The following XKR4 variants were observed in gnomAD, a reference collection of about 807,000 sequenced individuals.
XKR4 encodes the protein XK related 4.
Under a neutral mutation model 53.9 loss-of-function variants are expected in XKR4, and 12 were observed. The observed-to-expected ratio is 0.22, with a 90% CI of 0.14 to 0.36. The LOEUF is 0.36. Among genes scored for constraint, XKR4 ranks in the 10% least tolerant of loss-of-function variants. The probability of loss-of-function intolerance (pLI) is 1.00; values close to 1 mark genes in which losing one functional copy is unlikely to be tolerated. For missense variants in XKR4, 799 were observed against 859.5 expected, an observed-to-expected ratio of 0.93 and a Z score of 0.88; for synonymous variants, 354 against 362.4, an observed-to-expected ratio of 0.98 and a Z score of 0.26.
intron 1 of XKR4, among the ~76,000 whole-genome samples, chr8:55,302,986 A>G (rs1385127284): frequency 6.6e-6 from 1 of 152,248 alleles, no homozygotes; most frequent in African/African-American, 2.4e-5. Flanking sequence ...AATACCCTTT[A>G]TTTCCTTCTC....
At chr8:55,498,595 A>G (rs1466819242) in intron 2 of XKR4, among the ~76,000 whole-genome samples, 1 of 152,092 alleles carries the variant, frequency 6.6e-6, no homozygotes, top group Non-Finnish European at 1.5e-5. Context: ...CCTGGATAAC[A>G]TGGCCATCTC....
intron 2 of XKR4, among the ~76,000 whole-genome samples, chr8:55,371,265 A>G (rs560244003): frequency 6.6e-6 from 1 of 152,058 alleles, no homozygotes; most frequent in East Asian, 1.9e-4. Flanking sequence ...AATGTGAACA[A>G]AACCAGACTG....
intron 2 of XKR4, among the ~76,000 whole-genome samples, chr8:55,513,490 C>A (rs1161576959): frequency 6.6e-6 from 1 of 152,208 alleles, no homozygotes; most frequent in Admixed American, 6.5e-5. Flanking sequence ...AGAGGACCAG[C>A]CTGAACCTAT....
rs116128491 is a variant in XKR4, at chr8:55,322,032, A to G, written c.807-35646A>G. On this transcript the variant is annotated intron_variant, in intron 1 of 2. Coordinates refer to ENST00000327381, the MANE Select transcript of XKR4 (RefSeq NM_052898.2). The stretch of plus-strand genomic sequence containing the variant: ...AAACAAAAAATAACTTATCTTTACA[A>G]TCTTTGACATCCTTCCTGACTTTCC... Among the ~76,000 whole-genome samples the G allele has an allele frequency of 6.8e-3, 1,031 of 152,058 alleles. 15 individuals are homozygous for G. Among genetic ancestry groups the G allele is most frequent in the African/African-American group, 0.024 (986 of 41,460 alleles).
intron 1 of XKR4, among the ~76,000 whole-genome samples, chr8:55,116,961 A>G (rs918755539): frequency 4.6e-5 from 7 of 152,214 alleles, no homozygotes; most frequent in Admixed American, 1.3e-4. Context: ...CTAAGTGTCA[A>G]ATACCCAAGG....
intron 1 of XKR4, among the ~76,000 whole-genome samples, chr8:55,232,461 A>G (rs1280019919): frequency 1.3e-5 from 2 of 152,226 alleles, no homozygotes; most frequent in Non-Finnish European, 2.9e-5. Flanking sequence ...TCATTTTGAA[A>G]CTTTTTCCCC....
In XKR4 at chr8:55,454,674, T is replaced by C. The variant is rs1232644125; in HGVS notation, c.1007-68607T>C. On this transcript the variant is annotated intron_variant, in intron 2 of 2. Coordinates refer to ENST00000327381, the MANE Select transcript of XKR4 (RefSeq NM_052898.2). ...TCAGCAGGTTCCCAATTACGTTCCC[T>C]GGGAACACATTCAGGCCCTCCACGT... 6.4e-6 allele frequency: 6 copies of C among 939,048 alleles called. No individual in the cohort carries two copies. The Admixed American group carries it at 8.7e-5, about 14-fold the overall frequency. 58.2% of individuals were successfully genotyped at this position (939,048 alleles called of 1,614,324 possible). A position where few individuals can be genotyped will look rare whatever the true frequency, so the allele number is the denominator to read the frequency against.
At chr8:55,381,839 T>C (rs1448169813) in intron 2 of XKR4, among the ~76,000 whole-genome samples, 1 of 152,218 alleles carries the variant, frequency 6.6e-6, no homozygotes, top group East Asian at 1.9e-4. Context: ...TCCCCCTCTA[T>C]CACATCTCTT....
intron 1 of XKR4, among the ~76,000 whole-genome samples, chr8:55,155,923 A>G (rs1425411078): frequency 2.0e-5 from 3 of 152,210 alleles, no homozygotes; most frequent in Non-Finnish European, 2.9e-5. Context: ...TATCCATCAA[A>G]CATAAGAGCA....
intron 1 of XKR4, among the ~76,000 whole-genome samples, chr8:55,255,035 C>A (rs1459508624): frequency 6.6e-6 from 1 of 152,066 alleles, no homozygotes; most frequent in Non-Finnish European, 1.5e-5. Context: ...TAAGCTAAAG[C>A]CAAGCAAAAC....
At chr8:55,420,943 T>G (rs1252333191) in intron 2 of XKR4, among the ~76,000 whole-genome samples, 1 of 152,218 alleles carries the variant, frequency 6.6e-6, no homozygotes, top group Non-Finnish European at 1.5e-5. Flanking sequence ...TGACTAAATC[T>G]GATGAATAAA....
At chr8:55,226,269 G>A (rs1817949703) in intron 1 of XKR4, among the ~76,000 whole-genome samples, 1 of 152,162 alleles carries the variant, frequency 6.6e-6, no homozygotes. Flanking sequence ...AAAAGCAAGA[G>A]TATAAATCTT....
At chr8:55,474,905 T>C (rs751755801) in intron 2 of XKR4, among the ~76,000 whole-genome samples, 11 of 152,114 alleles carry the variant, frequency 7.2e-5, no homozygotes, top group Non-Finnish European at 1.2e-4. Flanking sequence ...TAAAATGCAT[T>C]AATGAACACC....
chr8:55,305,512 G>A (rs1819282710), intron 1 of XKR4, among the ~76,000 whole-genome samples: 1 of 151,898 alleles, frequency 6.6e-6, no homozygotes, highest in African/African-American at 2.4e-5. Context: ...GGACTGGAAG[G>A]CAGAAGATTC....
chr8:55,338,099 G>A (rs896763078), intron 1 of XKR4, among the ~76,000 whole-genome samples: 4 of 152,170 alleles, frequency 2.6e-5, no homozygotes. Context: ...ACTTTTGTCA[G>A]GCATTGTGAA....
At chr8:55,451,137 G>T (rs1805435189) in intron 2 of XKR4, 2 of 519,402 alleles carry the variant, frequency 3.9e-6, no homozygotes, top group Admixed American at 3.4e-5. Context: ...TGCTTGCTGT[G>T]GCCACAGGAA....
intron 2 of XKR4, among the ~76,000 whole-genome samples, chr8:55,444,395 C>A (rs540869497): frequency 6.6e-6 from 1 of 152,192 alleles, no homozygotes; most frequent in East Asian, 1.9e-4. Context: ...AAAATGAGTA[C>A]TTTTTCTTTC....
intron 1 of XKR4, among the ~76,000 whole-genome samples, chr8:55,308,134 T>A (rs1819333419): frequency 6.6e-6 from 1 of 152,092 alleles, no homozygotes; most frequent in South Asian, 2.1e-4. Context: ...GTGCCTGTAG[T>A]CCCAGTTACT....
chr8:55,365,944 A>C (rs1803977103), intron 2 of XKR4, among the ~76,000 whole-genome samples: 1 of 152,202 alleles, frequency 6.6e-6, no homozygotes, highest in Non-Finnish European at 1.5e-5. Context: ...GGGGACAGCC[A>C]TGGAGCCAGC....
Sources: gnomAD v4.1 joint callset for allele counts (sites outside exome capture counted in the v4.1 genomes callset) on GRCh38, gnomAD v4.1.1 for gene constraint, MANE v1.5 for transcripts, NCBI Gene and HGNC (gene_info 2026-07-23, HGNC 2026-07-21) for gene names.